Variants in RCOR1 observed in about 807,000 individuals in gnomAD.
RCOR1 encodes the protein REST corepressor.
A neutral mutation model predicts 64.0 loss-of-function variants in RCOR1; 12 were observed. That is an observed-to-expected ratio of 0.19 (90% CI 0.12 to 0.30). The LOEUF (loss-of-function observed/expected upper bound fraction) is 0.30, where lower values mean the gene tolerates loss of function less well. Among genes scored for constraint, RCOR1 ranks in the 10% least tolerant of loss-of-function variants. The pLI, the probability that RCOR1 is intolerant of heterozygous loss-of-function variation, is 1.00. For synonymous variants in RCOR1, 279 were observed against 227.2 expected, an observed-to-expected ratio of 1.23 and a Z score of -2.05; for missense variants, 502 against 621.2, an observed-to-expected ratio of 0.81 and a Z score of 2.04.
intron 2 of RCOR1, among the ~76,000 whole-genome samples, chr14:102,612,127 A>T (rs1893645438): frequency 6.6e-6 from 1 of 151,930 alleles, no homozygotes; most frequent in South Asian, 2.1e-4. Flanking sequence ...GGAACCAGGG[A>T]CAAAGACCAA....
rs187955423 is a variant in RCOR1 at position 102,638,471 on chromosome 14, G to C, written c.362-43424G>C. ...CGGCTCACTGCAACCTCAGCCTCCC[G>C]AGTAGCTGGAATTACAGGCCCCTGC... is the stretch of plus-strand genomic sequence containing the variant. On this transcript the variant is annotated intron_variant, in intron 2 of 11. Transcript: ENST00000262241. Among the ~76,000 whole-genome samples, 103 of 150,716 alleles carry C rather than the reference G, an allele frequency of 6.8e-4. 3 individuals carry two copies. The East Asian group carries it at 0.018, about 26-fold the overall frequency.
At position 102,613,774 on chromosome 14, in the gene RCOR1, C is replaced by G. The variant is rs186499639; in HGVS notation, c.361+20449C>G. On this transcript the variant is annotated intron_variant, in intron 2 of 11. Coordinates refer to ENST00000262241, the MANE Select transcript of RCOR1 (RefSeq NM_015156.4). ...GTATAACTATGTTGCCCAGGCTGATCTTGAACTCCTGGCCTCAAGCAGTCC... is the reference window on the plus strand; with the variant it reads ...GTATAACTATGTTGCCCAGGCTGATGTTGAACTCCTGGCCTCAAGCAGTCC... 6.8e-5 allele frequency among the ~76,000 whole-genome samples: 10 copies of G among 147,598 alleles called. No homozygotes were observed. The East Asian group carries it at 2.0e-3, about 30-fold the overall frequency.
At chr14:102,598,922 A>T (rs754671749) in intron 2 of RCOR1, among the ~76,000 whole-genome samples, 11 of 151,750 alleles carry the variant, frequency 7.2e-5, no homozygotes, top group Non-Finnish European at 1.0e-4. Flanking sequence ...CTTTTAACTT[A>T]GGCTTTGTTC....
intron 6 of RCOR1, among the ~76,000 whole-genome samples, chr14:102,709,934 G>A (rs1315991762): frequency 2.6e-5 from 4 of 151,900 alleles, no homozygotes; most frequent in Non-Finnish European, 4.4e-5. Context: ...CATTAGTCCC[G>A]ATGGGGCCAG....
Position 102,681,898 on chromosome 14 carries a change from A to G in RCOR1, c.365A>G (p.Lys122Arg). ...TTTCTTTTTTCTTTCTCCCAAGCCA[A>G]ACTGGCAAGACGCAGTCAAGAACGG... The part of the protein sequence containing the change: ...QAVVPDFDPA[K>R]LARRSQERDN... The change falls in exon 3 of 12, where the codon AAA (lysine) becomes AGA (arginine). Residue 122 changes from lysine to arginine, a missense_variant. Transcript: ENST00000262241. 6.2e-7 allele frequency: 1 copy of G among 1,612,870 alleles called. No individual in the cohort carries two copies.
intron 7 of RCOR1, among the ~76,000 whole-genome samples, chr14:102,712,112 A>C (rs540800026): frequency 6.6e-6 from 1 of 152,010 alleles, no homozygotes; most frequent in Non-Finnish European, 1.5e-5. Context: ...GGGCTCAAGC[A>C]GTCCTTCCAC....
chr14:102,694,843 C>G (rs1895612182), intron 3 of RCOR1, among the ~76,000 whole-genome samples: 1 of 152,206 alleles, frequency 6.6e-6, no homozygotes, highest in African/African-American at 2.4e-5. Context: ...ATATTTGTTA[C>G]TGTATTTTTA....
chr14:102,699,613 G>A (rs912850725), intron 3 of RCOR1, among the ~76,000 whole-genome samples: 2 of 152,152 alleles, frequency 1.3e-5, no homozygotes, highest in African/African-American at 4.8e-5. Flanking sequence ...TACTCTTTGT[G>A]TCATAGTGGG....
chr14:102,604,694 G>T (rs1893469030), intron 2 of RCOR1, among the ~76,000 whole-genome samples: 1 of 152,148 alleles, frequency 6.6e-6, no homozygotes, highest in Non-Finnish European at 1.5e-5. Context: ...AAGATAGACT[G>T]TTAATTTTAA....
chr14:102,659,212 G>A, intron 2 of RCOR1: 1 of 984,768 alleles, frequency 1.0e-6, no homozygotes, highest in African/African-American at 1.7e-5. Flanking sequence ...ATAAATTACT[G>A]CAATTTTATA....
chr14:102,676,146 A>G (rs1336148806), intron 2 of RCOR1, among the ~76,000 whole-genome samples: 1 of 146,420 alleles, frequency 6.8e-6, no homozygotes, highest in African/African-American at 2.5e-5. Context: ...CGATTTCTCA[A>G]TTTTTTCCCC....
At chr14:102,710,746 T>C (rs980897606) in intron 6 of RCOR1, 189 bp from the exon 7 acceptor site, 1 of 570,480 alleles carries the variant, frequency 1.8e-6, no homozygotes, top group African/African-American at 1.9e-5. Context: ...ACTATGGAGT[T>C]GGTATTCTGT....
intron 2 of RCOR1, chr14:102,643,470 T>C (rs1894414638): frequency 3.6e-6 from 1 of 276,980 alleles, no homozygotes; most frequent in Admixed American, 6.5e-5. Flanking sequence ...GCATGGTAAT[T>C]ACCTTGCCAG....
chr14:102,675,431 A>T (rs1423191191), intron 2 of RCOR1, among the ~76,000 whole-genome samples: 4 of 152,244 alleles, frequency 2.6e-5, no homozygotes, highest in African/African-American at 7.2e-5. Context: ...ATGAACAATT[A>T]TAACAATATG....
rs1895878322 is a variant in RCOR1, at chr14:102,707,416, T to C, written c.564T>C (p.Phe188=). The C allele has an allele frequency of 1.2e-6, 2 of 1,613,678 alleles. No individual in the cohort carries two copies. The highest frequency in any genetic ancestry group is 1.3e-5 in the African/African-American group (1 of 74,918). Residue 188 remains phenylalanine, a synonymous_variant, in exon 5 of 12, where the codon TTT becomes TTC. Coordinates refer to ENST00000262241, the MANE Select transcript of RCOR1 (RefSeq NM_015156.4). ...IEKSLADLPN[F]TPFPDEWTVE... is the part of the protein sequence containing the mutation. ...AGTCATTGGCTGATTTGCCCAACTT[T>C]ACCCCTTTCCCAGATGAGTGGACTG...
intron 8 of RCOR1, among the ~76,000 whole-genome samples, chr14:102,719,093 AT>A (rs959404435): frequency 6.6e-6 from 1 of 151,254 alleles, no homozygotes; most frequent in Admixed American, 6.6e-5. Context: ...CACTAGCATA[AT>A]TTTTTTTTGG....
At chr14:102,671,689 CA>C (rs1567430191) in intron 2 of RCOR1, among the ~76,000 whole-genome samples, 1 of 152,208 alleles carries the variant, frequency 6.6e-6, no homozygotes, top group Non-Finnish European at 1.5e-5. Context: ...AGCTTTACTA[CA>C]ATAAAATTAA....
intron 2 of RCOR1, among the ~76,000 whole-genome samples, chr14:102,600,792 G>A (rs1218275212): frequency 2.0e-5 from 3 of 151,324 alleles, no homozygotes; most frequent in South Asian, 2.1e-4. Flanking sequence ...GGATGGTCTC[G>A]ATCTCCTGAC....
chr14:102,620,963 CT>C (rs1893860010), intron 2 of RCOR1, among the ~76,000 whole-genome samples: 1 of 152,106 alleles, frequency 6.6e-6, no homozygotes, highest in African/African-American at 2.4e-5. Flanking sequence ...GATGTCACAA[CT>C]AAAAAAAATT....
Sources: gnomAD v4.1 joint callset for allele counts (sites outside exome capture counted in the v4.1 genomes callset) on GRCh38, gnomAD v4.1.1 for gene constraint, MANE v1.5 for transcripts, NCBI Gene and HGNC (gene_info 2026-07-23, HGNC 2026-07-21) for gene names.